Variants in LDLRAD3 observed in about 807,000 individuals in gnomAD.
LDLRAD3 encodes low-density lipoprotein receptor class A domain-containing protein 3.
LDLRAD3 carries 20 observed loss-of-function variants against 29.4 expected under a neutral mutation model. The ratio of observed to expected loss-of-function variants is 0.68; its 90% CI spans 0.48 to 0.99. The LOEUF is 0.99. Ranked by LOEUF, LDLRAD3 falls within the 50% of genes least tolerant of loss-of-function variation. The pLI is 0.00. For missense variants in LDLRAD3, 420 were observed against 454.3 expected (o/e 0.92, Z 0.69); for synonymous variants, 157 against 192.7 (o/e 0.81, Z 1.53).
chr11:36,126,822 A>G (rs1403224578), intron 4 of LDLRAD3, among the ~76,000 whole-genome samples: 2 of 152,234 alleles, frequency 1.3e-5, no homozygotes, highest in African/African-American at 4.8e-5. Context: ...CAGAGAACCT[A>G]TGTTGTAAGA....
At chr11:36,001,530 G>C (rs1237339362) in intron 1 of LDLRAD3, among the ~76,000 whole-genome samples, 1 of 152,098 alleles carries the variant, frequency 6.6e-6, no homozygotes. Flanking sequence ...GGGTGAAATG[G>C]TTGCTTCAGA....
At chr11:36,011,195 A>G (rs991391508) in intron 1 of LDLRAD3, among the ~76,000 whole-genome samples, 4 of 152,178 alleles carry the variant, frequency 2.6e-5, no homozygotes, top group Non-Finnish European at 5.9e-5. Context: ...TTTTAATTTT[A>G]TAGCTCTTTA....
chr11:36,196,819 G>A (rs1386658201), intron 4 of LDLRAD3: 2 of 152,140 alleles, frequency 1.3e-5, no homozygotes, highest in Non-Finnish European at 2.9e-5. Context: ...TGCCTACATG[G>A]TTTTACCCAA....
At chr11:35,963,179 A>G (rs1390348906) in intron 1 of LDLRAD3, among the ~76,000 whole-genome samples, 2 of 152,224 alleles carry the variant, frequency 1.3e-5, no homozygotes, top group South Asian at 2.1e-4. Context: ...GTGTCTGTGC[A>G]TGTATGAAAC....
Position 36,178,994 on chromosome 11 carries a change from G to A in LDLRAD3, c.455-48091G>A, listed in dbSNP as rs115590029. ...CTGTCTGCCTTTGCTATCAGAAGCC[G>A]TCCTTAATTGTGAACTGCATTGAAT... On this transcript the variant is annotated intron_variant, in intron 4 of 5. Coordinates refer to ENST00000315571, the MANE Select transcript of LDLRAD3 (RefSeq NM_174902.4). Among the ~76,000 whole-genome samples, 450 of 152,292 alleles carry A rather than the reference G, an allele frequency of 3.0e-3. 3 individuals are homozygous for A. Among genetic ancestry groups the A allele is most frequent in the African/African-American group, 0.01 (424 of 41,556 alleles).
At chr11:36,091,747 A>G (rs576450208) in intron 3 of LDLRAD3, among the ~76,000 whole-genome samples, 1 of 152,370 alleles carries the variant, frequency 6.6e-6, no homozygotes, top group East Asian at 1.9e-4. Context: ...AGCCACAACG[A>G]GGACAAAGAA....
intron 4 of LDLRAD3, among the ~76,000 whole-genome samples, chr11:36,173,323 C>T (rs1854624629): frequency 6.9e-6 from 1 of 145,720 alleles, no homozygotes; most frequent in Non-Finnish European, 1.5e-5. Context: ...TCTCCTAATG[C>T]TATCCCTCCC....
chr11:36,127,700 T>A (rs545512578), intron 4 of LDLRAD3, among the ~76,000 whole-genome samples: 1 of 152,306 alleles, frequency 6.6e-6, no homozygotes, highest in South Asian at 2.1e-4. Flanking sequence ...CTAAGTTTTT[T>A]ATTTAGGTTA....
At chr11:35,978,356 C>G (rs572069772) in intron 1 of LDLRAD3, among the ~76,000 whole-genome samples, 34 of 152,310 alleles carry the variant, frequency 2.2e-4, no homozygotes, top group African/African-American at 7.7e-4. Context: ...CTGCACTGCT[C>G]CCTTCAGCCT....
At chr11:36,057,471 G>C (rs919040252) in intron 2 of LDLRAD3, among the ~76,000 whole-genome samples, 1 of 152,168 alleles carries the variant, frequency 6.6e-6, no homozygotes, top group Non-Finnish European at 1.5e-5. Context: ...TGTAGCCAGT[G>C]TGTGACTCCT....
chr11:36,078,879 C>T (rs2133254718), intron 2 of LDLRAD3, among the ~76,000 whole-genome samples: 1 of 152,294 alleles, frequency 6.6e-6, no homozygotes, highest in African/African-American at 2.4e-5. Context: ...CCAGTCAACC[C>T]CACACAAATG....
chr11:36,113,443 A>G (rs901525113), intron 4 of LDLRAD3, among the ~76,000 whole-genome samples: 1 of 152,246 alleles, frequency 6.6e-6, no homozygotes, highest in East Asian at 1.9e-4. Flanking sequence ...AATTAAAAAA[A>G]AAAGAAAGAA....
At chr11:36,195,873 T>C (rs1235483845) in intron 4 of LDLRAD3, among the ~76,000 whole-genome samples, 1 of 152,046 alleles carries the variant, frequency 6.6e-6, no homozygotes, top group Non-Finnish European at 1.5e-5. Flanking sequence ...TTCAGATACC[T>C]CTGGGTCTAT....
At chr11:36,054,632 C>T (rs552496267) in intron 2 of LDLRAD3, among the ~76,000 whole-genome samples, 91 of 152,270 alleles carry the variant, frequency 6.0e-4, no homozygotes, top group Non-Finnish European at 1.0e-3. Context: ...TGTAAAACAT[C>T]AACAGAAGCT....
intron 3 of LDLRAD3, among the ~76,000 whole-genome samples, chr11:36,094,683 G>C (rs964016101): frequency 6.6e-6 from 1 of 152,112 alleles, no homozygotes; most frequent in Non-Finnish European, 1.5e-5. Flanking sequence ...TTACAGGCAT[G>C]CGCCACTACC....
chr11:36,216,494 A>G (rs1855354567), intron 4 of LDLRAD3, among the ~76,000 whole-genome samples: 1 of 152,180 alleles, frequency 6.6e-6, no homozygotes, highest in Non-Finnish European at 1.5e-5. Flanking sequence ...CACTTTAAAC[A>G]TTTCTATACA....
Position 36,231,228 on chromosome 11 carries a change from T to C in LDLRAD3, c.*1831T>C, listed in dbSNP as rs1423605062. 1 of 152,260 alleles carries C rather than the reference T, an allele frequency of 6.6e-6. No individual in the cohort carries two copies. Among genetic ancestry groups the C allele is most frequent in the Non-Finnish European group, 1.5e-5 (1 of 68,040 alleles). 9.4% of individuals were successfully genotyped at this position (152,260 alleles called of 1,614,324 possible). ...TGATCCTGTTCTGTAGACTTTTCTT[T>C]CTTTTTTTAACCAAATCCAAAGGAT... On this transcript the variant is annotated 3_prime_UTR_variant, in exon 6 of 6. Coordinates refer to ENST00000315571, the MANE Select transcript of LDLRAD3 (RefSeq NM_174902.4).
chr11:36,024,319 T>C (rs1035362855), intron 1 of LDLRAD3, among the ~76,000 whole-genome samples: 12 of 123,018 alleles, frequency 9.8e-5, no homozygotes, highest in African/African-American at 3.0e-4. Flanking sequence ...ATATGTTTTA[T>C]ATCTATATCT....
chr11:36,068,474 G>T (rs1852833838), intron 2 of LDLRAD3, among the ~76,000 whole-genome samples: 3 of 152,166 alleles, frequency 2.0e-5, no homozygotes, highest in African/African-American at 7.2e-5. Flanking sequence ...ATTCATCCAA[G>T]ATCTCAGTGA....
Sources: allele counts gnomAD v4.1 joint callset (sites outside exome capture counted in the v4.1 genomes callset), GRCh38; gene constraint gnomAD v4.1.1; transcripts MANE v1.5; gene names NCBI Gene and HGNC (gene_info 2026-07-23, HGNC 2026-07-21).